Variants in AFAP1 observed in about 807,000 individuals in gnomAD.
AFAP1 encodes actin filament-associated protein 1.
AFAP1 carries 75 observed loss-of-function variants against 93.9 expected under a neutral mutation model. The ratio of observed to expected loss-of-function variants is 0.80; its 90% CI spans 0.66 to 0.97. AFAP1 has a LOEUF of 0.97. Among genes scored for constraint, AFAP1 ranks in the 50% least tolerant of loss-of-function variants. The probability of loss-of-function intolerance (pLI) is 0.00; values close to 1 mark genes in which losing one functional copy is unlikely to be tolerated. For missense variants in AFAP1, 1,201 were observed against 1,050.8 expected, an observed-to-expected ratio of 1.14 and a Z score of -1.98; for synonymous variants, 517 against 430.7, an observed-to-expected ratio of 1.20 and a Z score of -2.48.
At chr4:7,767,460 A>G (rs555063728) in intron 17 of AFAP1, among the ~76,000 whole-genome samples, 1 of 152,328 alleles carries the variant, frequency 6.6e-6, no homozygotes, top group South Asian at 2.1e-4. Flanking sequence ...GTCATTGGGC[A>G]GCTCAATTCT....
intron 1 of AFAP1, among the ~76,000 whole-genome samples, chr4:7,897,306 A>G (rs940952892): frequency 5.9e-5 from 9 of 152,196 alleles, no homozygotes; most frequent in Admixed American, 2.6e-4. Flanking sequence ...CTGTTTACGA[A>G]CAAACGGTAG....
chr4:7,912,367 GAAACTGTC>G (rs1197757611), intron 1 of AFAP1, among the ~76,000 whole-genome samples: 1 of 152,218 alleles, frequency 6.6e-6, no homozygotes, highest in African/African-American at 2.4e-5. Flanking sequence ...AGTTTTTTAA[GAAACTGTC>G]AAACTGTTTT....
intron 16 of AFAP1, among the ~76,000 whole-genome samples, chr4:7,769,852 C>T (rs1316428641): frequency 7.2e-5 from 11 of 152,270 alleles, no homozygotes; most frequent in Admixed American, 7.2e-4. Flanking sequence ...CCACAATCCC[C>T]AGGCAGCCAA....
intron 1 of AFAP1, among the ~76,000 whole-genome samples, chr4:7,928,153 G>A (rs1020059255): frequency 6.6e-6 from 1 of 152,104 alleles, no homozygotes; most frequent in East Asian, 1.9e-4. Context: ...TTCAACCGGT[G>A]CCTTTGGCTA....
chr4:7,892,115 T>C (rs576651240), intron 1 of AFAP1, among the ~76,000 whole-genome samples: 1 of 151,480 alleles, frequency 6.6e-6, no homozygotes, highest in South Asian at 2.1e-4. Context: ...GTAAATGAAG[T>C]TTAGAGAGGT....
intron 5 of AFAP1, among the ~76,000 whole-genome samples, chr4:7,841,932 C>G (rs559485857): frequency 7.2e-5 from 11 of 152,234 alleles, no homozygotes; most frequent in African/African-American, 2.6e-4. Flanking sequence ...ACCAGGGACT[C>G]AGAACCCCAA....
intron 1 of AFAP1, among the ~76,000 whole-genome samples, chr4:7,901,335 A>G (rs1489749440): frequency 6.6e-6 from 1 of 152,220 alleles, no homozygotes; most frequent in Non-Finnish European, 1.5e-5. Flanking sequence ...CACAGGTATC[A>G]CATACTTTTC....
At position 7,804,185 on chromosome 4, in the gene AFAP1, G is replaced by A. The variant is rs1328427828; in HGVS notation, c.1055-3532C>T. Among the ~76,000 whole-genome samples, 3 of 152,190 alleles carry A rather than the reference G, an allele frequency of 2.0e-5. 1 individual carries two copies. Among genetic ancestry groups the A allele is most frequent in the Admixed American group, 2.0e-4 (3 of 15,284 alleles). ...CATGTCCAGGAAAGGTTACGCTGGA[G>A]CAACATCCACCACCAGGTGGTGCCA... On this transcript the variant is annotated intron_variant, in intron 9 of 17. Coordinates refer to ENST00000420658, the MANE Select transcript of AFAP1 (RefSeq NM_001134647.2).
At chr4:7,847,337 T>G (rs1293981212) in intron 4 of AFAP1, among the ~76,000 whole-genome samples, 1 of 148,436 alleles carries the variant, frequency 6.7e-6, no homozygotes, top group Non-Finnish European at 1.5e-5. Context: ...TCAAGAGAAC[T>G]CTCCAGAAAG....
intron 8 of AFAP1, among the ~76,000 whole-genome samples, chr4:7,813,925 G>T (rs1720255377): frequency 6.6e-6 from 1 of 152,084 alleles, no homozygotes; most frequent in South Asian, 2.1e-4. Context: ...CTCCAGGAGT[G>T]GGCAGGTGGA....
chr4:7,834,449 T>A (rs896312232), intron 6 of AFAP1, among the ~76,000 whole-genome samples: 11 of 152,126 alleles, frequency 7.2e-5, no homozygotes, highest in African/African-American at 2.7e-4. Context: ...ATCTCACGAA[T>A]CAACACTAAA....
chr4:7,869,290 T>TGGC (rs1406979033), intron 2 of AFAP1, among the ~76,000 whole-genome samples: 2 of 152,018 alleles, frequency 1.3e-5, no homozygotes, highest in Non-Finnish European at 2.9e-5. Flanking sequence ...TAGATGGAAA[T>TGGC]GGCGGCACTA....
rs753037145 is a variant in AFAP1 at position 7,800,576 on chromosome 4, T to C, written c.1132A>G (p.Lys378Glu). ...RVKDNKLIFH[K>E]DRTDLKTHIV... The stretch of plus-strand genomic sequence containing the variant: ...TGGGTCTTCAGGTCGGTCCTGTCCT[T>C]GTGGAAAATGAGCTTGTTATCTTTC... Residue 378 changes from lysine to glutamate, a missense_variant, in exon 10 of 18, where the codon AAG becomes GAG. Physicochemically the swap from Lys to Glu is moderately conservative, Grantham distance 56 (BLOSUM62 1). Transcript: ENST00000420658. 3.7e-6 allele frequency: 6 copies of C among 1,614,206 alleles called. No homozygotes were observed. The highest frequency in any genetic ancestry group is 3.3e-5 in the South Asian group (3 of 91,080).
At chr4:7,849,618 T>C (rs947004127) in intron 4 of AFAP1, among the ~76,000 whole-genome samples, 1 of 152,186 alleles carries the variant, frequency 6.6e-6, no homozygotes, top group Non-Finnish European at 1.5e-5. Flanking sequence ...CTTTCAGGTC[T>C]CAATGTCATT....
chr4:7,769,028 C>G lies in AFAP1; in HGVS notation c.2254-20G>C, dbSNP rs772503627. ...TGGAGACTTAACGGAGAGAGAGAAC[C>G]CCATGTGATGAGCGGTTTCTGGGCC... On this transcript the variant is annotated intron_variant, in intron 16 of 17. Coordinates refer to ENST00000420658, the MANE Select transcript of AFAP1 (RefSeq NM_001134647.2). 65 of 1,576,388 alleles carry G rather than the reference C, an allele frequency of 4.1e-5. 1 individual carries two copies. The South Asian group carries it at 6.2e-4, about 15-fold the overall frequency.
chr4:7,912,823 T>G (rs969393169), intron 1 of AFAP1, among the ~76,000 whole-genome samples: 1 of 151,928 alleles, frequency 6.6e-6, no homozygotes, highest in Non-Finnish European at 1.5e-5. Flanking sequence ...AGAGTTCAGG[T>G]TTTTTTTCTA....
intron 1 of AFAP1, among the ~76,000 whole-genome samples, chr4:7,904,281 AGCGGAAACG>A (rs1719277586): frequency 1.3e-5 from 2 of 152,074 alleles, no homozygotes; most frequent in Admixed American, 1.3e-4. Flanking sequence ...TAAAGAAACA[AGCGGAAACG>A]GCTCTCCACA....
At chr4:7,779,728 GATC>G (rs1245644046) in intron 13 of AFAP1, among the ~76,000 whole-genome samples, 6 of 152,144 alleles carry the variant, frequency 3.9e-5, no homozygotes, top group African/African-American at 1.2e-4. Flanking sequence ...GCCGCCATTT[GATC>G]ATTTAAAAAC....
chr4:7,817,758 GGT>G (rs1264905757), intron 7 of AFAP1, among the ~76,000 whole-genome samples: 2 of 99,546 alleles, frequency 2.0e-5, no homozygotes, highest in Admixed American at 2.2e-4. Context: ...ATAATATAAA[GGT>G]TAAGTAAAAA....
Sources: allele counts gnomAD v4.1 joint callset (sites outside exome capture counted in the v4.1 genomes callset), GRCh38; gene constraint gnomAD v4.1.1; transcripts MANE v1.5; gene names NCBI Gene and HGNC (gene_info 2026-07-23, HGNC 2026-07-21).